Variants in RTKN observed in about 807,000 individuals in gnomAD.
RTKN encodes rhotekin.
A neutral mutation model predicts 63.5 loss-of-function variants in RTKN; 49 were observed. The observed-to-expected ratio is 0.77, with a 90% CI of 0.61 to 0.98. The LOEUF is 0.98. Among genes scored for constraint, RTKN ranks in the 50% least tolerant of loss-of-function variants. The probability of loss-of-function intolerance (pLI) is 0.00; values close to 1 mark genes in which losing one functional copy is unlikely to be tolerated. For missense variants in RTKN, 685 were observed against 740.8 expected, an observed-to-expected ratio of 0.92 and a Z score of 0.87; for synonymous variants, 295 against 290.4, an observed-to-expected ratio of 1.02 and a Z score of -0.16.
chr2:74,426,551 C>T lies in RTKN; in HGVS notation c.1384G>A (p.Ala462Thr), dbSNP rs765799493. The change falls in exon 12 of 12, where the codon GCA becomes ACA. Residue 462 changes from alanine (A) to threonine (T), a missense_variant. Ala to Thr is a moderately conservative substitution (Grantham distance 58, BLOSUM62 0). Transcript: ENST00000272430. ...EMAIEPLDDI[A>T]AVTDILTQRE... ...TGGGTCAGGATGTCTGTCACCGCTGCGATGTCATCCAGCGGCTCAATAGCT... is the reference window on the plus strand; with the variant it reads ...TGGGTCAGGATGTCTGTCACCGCTGTGATGTCATCCAGCGGCTCAATAGCT... 8 of 1,533,420 alleles carry T rather than the reference C, an allele frequency of 5.2e-6. No individual in the cohort carries two copies. In the East Asian group the frequency reaches 6.9e-5, roughly 13 times the overall value. The allele number at this position is 1,533,420 out of a possible 1,614,324, so 95.0% of individuals were successfully genotyped here.
chr2:74,439,462 C>G (rs1671229053), intron 1 of RTKN: 5 of 1,466,908 alleles, frequency 3.4e-6, no homozygotes, highest in Non-Finnish European at 4.7e-6. Context: ...CTGGCTCTCC[C>G]CACCATGCTG....
chr2:74,428,790 C>T (rs1670569565), intron 7 of RTKN, 53 bp from the exon 8 acceptor site: 7 of 1,601,084 alleles, frequency 4.4e-6, no homozygotes, highest in African/African-American at 1.3e-5. Context: ...GGGGACCATC[C>T]CACAGCCCCT....
At chr2:74,426,837 A>T in intron 11 of RTKN, 1 of 1,346,814 alleles carries the variant, frequency 7.4e-7, no homozygotes. Context: ...AGAAACCAAG[A>T]GGAGAAAATG....
At chr2:74,440,448 C>T in intron 1 of RTKN, 1 of 986,856 alleles carries the variant, frequency 1.0e-6, no homozygotes, top group South Asian at 4.7e-5. Flanking sequence ...CCCTTCCCTT[C>T]CAGACAGGAA....
In RTKN at chr2:74,428,746, G is replaced by A. The variant is rs1341041289; in HGVS notation, c.851-9C>T. 1 of 1,612,916 alleles carries A rather than the reference G, an allele frequency of 6.2e-7. No homozygotes were observed. Among genetic ancestry groups the A allele is most frequent in the Non-Finnish European group, 8.5e-7 (1 of 1,179,238 alleles). ...CCAGGCAGGGTTCTCCTCTGGGGGAGGAGGAAGTGCAGGGTGAGGTAGGGG... is the reference window on the plus strand; with the variant it reads ...CCAGGCAGGGTTCTCCTCTGGGGGAAGAGGAAGTGCAGGGTGAGGTAGGGG... On this transcript the variant is annotated splice_polypyrimidine_tract_variant and intron_variant, in intron 7 of 11. Coordinates refer to ENST00000272430, the MANE Select transcript of RTKN (RefSeq NM_001015055.2).
intron 1 of RTKN, 59 bp downstream of exon 1, chr2:74,441,647 G>A (rs1488960217): frequency 4.7e-6 from 6 of 1,282,556 alleles, no homozygotes; most frequent in East Asian, 4.8e-5. Flanking sequence ...GGAGGCCGAG[G>A]TGGCTGGGGC....
At chr2:74,439,684 C>T in intron 1 of RTKN, 3 of 1,602,882 alleles carry the variant, frequency 1.9e-6, no homozygotes, top group South Asian at 2.2e-5. Flanking sequence ...AGATAGGTAC[C>T]ACACTGTCCC....
chr2:74,440,949 T>G (rs1214891319), intron 1 of RTKN, among the ~76,000 whole-genome samples: 1 of 151,922 alleles, frequency 6.6e-6, no homozygotes, highest in Non-Finnish European at 1.5e-5. Flanking sequence ...CTTGGGCGAG[T>G]GTGAGTCTGA....
At position 74,428,620 on chromosome 2, in the gene RTKN, G is replaced by T. The variant is rs1320580894; in HGVS notation, c.957+11C>A. ...CTCCCTGCTCCCTTCCACTCCTCAG[G>T]GCCCCCTCACCTGCACCCTGAGGGT... On this transcript the variant is annotated intron_variant, in intron 8 of 11. Transcript: ENST00000272430. 7 of 1,608,680 alleles carry T rather than the reference G, an allele frequency of 4.4e-6. No individual in the cohort carries two copies. The highest frequency in any genetic ancestry group is 5.9e-6 in the Non-Finnish European group (7 of 1,176,542).
At chr2:74,440,644 G>A in intron 1 of RTKN, 1 of 874,324 alleles carries the variant, frequency 1.1e-6, no homozygotes. Flanking sequence ...CTGGTCCCGG[G>A]CCTCGCCCCT....
intron 9 of RTKN, chr2:74,427,848 G>A: frequency 1.9e-6 from 1 of 521,408 alleles, no homozygotes; most frequent in Non-Finnish European, 3.4e-6. Flanking sequence ...CACAAAGGTA[G>A]GCAAGGATGC....
At position 74,427,519 on chromosome 2, in the gene RTKN, T is replaced by C. The variant is rs767377927; in HGVS notation, c.1160A>G (p.Tyr387Cys). ...GGTGTGTGTCACCTCATCATCCCCA[T>C]ACTGGTTACTGATGCTTAGGGTGAA... ...RPFTLSISNQ[Y>C]GDDEVTHTLQ... The change falls in exon 10 of 12, where the codon TAT becomes TGT. Residue 387 changes from tyrosine to cysteine, a missense_variant. By Grantham distance (194) the Tyr-to-Cys change is radical (BLOSUM62 -2). Transcript: ENST00000272430. 3 of 1,614,190 alleles carry C rather than the reference T, an allele frequency of 1.9e-6. No individual in the cohort carries two copies. The highest frequency in any genetic ancestry group is 2.5e-6 in the Non-Finnish European group (3 of 1,180,044).
rs1671376834 is a variant in RTKN, at chr2:74,441,735, G to C, written c.82C>G (p.Arg28Gly). Residue 28 changes from arginine (R) to glycine (G), a missense_variant, in exon 1 of 12, where the codon CGA becomes GGA. Coordinates refer to ENST00000272430, the MANE Select transcript of RTKN (RefSeq NM_001015055.2). ...LEMEFKRGRFRLSLFSDLPED... is the reference protein window; with the variant it reads ...LEMEFKRGRFGLSLFSDLPED... ...GGCAGGTCGCTGAAGAGGCTGAGTC[G>C]GAAGCGGCCGCGTTTGAACTCCATC... 2.5e-6 allele frequency: 4 copies of C among 1,611,650 alleles called. No homozygotes were observed.
At chr2:74,431,325 C>T (rs1182881371) in intron 2 of RTKN, among the ~76,000 whole-genome samples, 1 of 152,140 alleles carries the variant, frequency 6.6e-6, no homozygotes, top group South Asian at 2.1e-4. Context: ...CCCCCACACC[C>T]CACTGCAGGG....
rs560839823 is a variant in RTKN, at chr2:74,440,134, TAG to T, written c.111+1570_111+1571del. 4.4e-5 allele frequency: 20 copies of T among 456,966 alleles called. No individual in the cohort carries two copies. The South Asian group carries it at 1.3e-3, about 30-fold the overall frequency. The allele number at this position is 456,966 out of a possible 1,614,324, so 28.3% of individuals were successfully genotyped here. On this transcript the variant is annotated intron_variant, in intron 1 of 11. Transcript: ENST00000272430. ...GGGAAACGACGCCTCATGCAGGTTC[TAG>T]AGTCATGGGGTTTGCAGGAGGTTGG...
intron 9 of RTKN, chr2:74,428,058 AG>A: frequency 1.6e-6 from 1 of 612,392 alleles, no homozygotes. Flanking sequence ...GAGATTTGGC[AG>A]GGACTGAGGA....
intron 6 of RTKN, 76 bp downstream of exon 6, chr2:74,429,752 C>T: frequency 7.2e-7 from 1 of 1,395,822 alleles, no homozygotes; most frequent in Non-Finnish European, 1.0e-6. Context: ...GGGTTCTGCA[C>T]ACTCAACACA....
At chr2:74,432,358 T>A (rs776890636) in intron 2 of RTKN, 109 bp downstream of exon 2, 1 of 1,066,240 alleles carries the variant, frequency 9.4e-7, no homozygotes, top group Non-Finnish European at 1.4e-6. Flanking sequence ...TAAGACTTCA[T>A]GGGGAAGTCA....
chr2:74,440,106 G>A (rs893581898), intron 1 of RTKN: 61 of 598,828 alleles, frequency 1.0e-4, no homozygotes, highest in Non-Finnish European at 5.8e-5. Context: ...CTGGAAGGGG[G>A]CAGGGAAACG....
Sources: allele counts gnomAD v4.1 joint callset (sites outside exome capture counted in the v4.1 genomes callset), GRCh38; gene constraint gnomAD v4.1.1; transcripts MANE v1.5; gene names NCBI Gene and HGNC (gene_info 2026-07-23, HGNC 2026-07-21).